Variants in PTER observed in about 807,000 individuals in gnomAD.
PTER encodes the protein phosphotriesterase related.
Under a neutral mutation model 29.6 loss-of-function variants are expected in PTER, and 38 were observed. That is an observed-to-expected ratio of 1.28 (90% confidence interval 0.99 to 1.68). The LOEUF (loss-of-function observed/expected upper bound fraction) is 1.68, where lower values mean the gene tolerates loss of function less well. PTER is among the 40% of genes most tolerant of loss of function. The probability of loss-of-function intolerance (pLI) is 0.00; values close to 1 mark genes in which losing one functional copy is unlikely to be tolerated. For missense variants in PTER, 482 were observed against 427.8 expected (o/e 1.13, Z -1.12); for synonymous variants, 172 against 154.5 (o/e 1.11, Z -0.84).
intron 1 of PTER, among the ~76,000 whole-genome samples, chr10:16,446,329 G>T (rs1382430756): frequency 6.6e-6 from 1 of 151,256 alleles, no homozygotes; most frequent in East Asian, 2.0e-4. Context: ...AGTGATTCTT[G>T]TGCCTCAGCT....
chr10:16,462,611 A>C (rs6602117), intron 1 of PTER, among the ~76,000 whole-genome samples: 90,527 of 146,786 alleles, frequency 0.62, 28,598 homozygotes, highest in East Asian at 0.81. Flanking sequence ...CGCTCTGTTG[A>C]CCAGGCTGGA....
At chr10:16,449,521 C>T (rs895404584) in intron 1 of PTER, among the ~76,000 whole-genome samples, 6 of 149,518 alleles carry the variant, frequency 4.0e-5, no homozygotes, top group South Asian at 4.3e-4. Context: ...CTGCAACCTC[C>T]GCCTCTTTGC....
intron 1 of PTER, among the ~76,000 whole-genome samples, chr10:16,438,331 A>G: frequency 1.4e-5 from 2 of 141,460 alleles, no homozygotes; most frequent in Middle Eastern, 9.8e-3. Context: ...AGGTCTCATT[A>G]TTTCACCAAA....
chr10:16,500,554 G>A (rs117861171), intron 3 of PTER, among the ~76,000 whole-genome samples: 3,198 of 152,094 alleles, frequency 0.021, 51 homozygotes, highest in Non-Finnish European at 0.032. Flanking sequence ...GCCCGGCCAG[G>A]GGTTACTTTT....
At chr10:16,462,999 C>G (rs1323720261) in intron 1 of PTER, among the ~76,000 whole-genome samples, 1 of 151,540 alleles carries the variant, frequency 6.6e-6, no homozygotes, top group African/African-American at 2.4e-5. Flanking sequence ...GGAGACCATC[C>G]TGGCTAACAT....
chr10:16,475,422 C>T (rs181338564), intron 1 of PTER, among the ~76,000 whole-genome samples: 6 of 152,274 alleles, frequency 3.9e-5, no homozygotes, highest in Non-Finnish European at 8.8e-5. Context: ...TCTTTCTCTC[C>T]ATATTGTCTC....
intron 1 of PTER, among the ~76,000 whole-genome samples, chr10:16,438,879 C>G (rs1436894909): frequency 2.8e-5 from 4 of 144,746 alleles, no homozygotes; most frequent in African/African-American, 7.8e-5. Context: ...TGAGATCACA[C>G]CACTGCACTC....
chr10:16,495,316 G>T (rs917666647), intron 3 of PTER, among the ~76,000 whole-genome samples: 1 of 151,928 alleles, frequency 6.6e-6, no homozygotes, highest in Non-Finnish European at 1.5e-5. Flanking sequence ...GATTACAAGC[G>T]TGCACTACCA....
At chr10:16,476,207 C>G (rs1408737091) in intron 1 of PTER, 2 of 152,236 alleles carry the variant, frequency 1.3e-5, no homozygotes, top group African/African-American at 4.8e-5. Flanking sequence ...CCTCAGCCTC[C>G]TGACTAGCTG....
chr10:16,442,810 T>A (rs188464160), intron 1 of PTER, among the ~76,000 whole-genome samples: 9 of 152,024 alleles, frequency 5.9e-5, no homozygotes, highest in African/African-American at 2.2e-4. Context: ...CGAAACCCCA[T>A]CTCTACTAAA....
chr10:16,509,012 C>T (rs1245526942), intron 4 of PTER, among the ~76,000 whole-genome samples: 1 of 152,208 alleles, frequency 6.6e-6, no homozygotes, highest in African/African-American at 2.4e-5. Flanking sequence ...ATCTTCTGCT[C>T]CATTTCTCAA....
At position 16,480,235 on chromosome 10, in the gene PTER, G is replaced by A. The variant is rs143633687; in HGVS notation, c.-48-4102G>A. Among the ~76,000 whole-genome samples, 827 of 148,222 alleles carry A rather than the reference G, an allele frequency of 5.6e-3. 6 individuals are homozygous for A. The highest frequency in any genetic ancestry group is 0.019 in the African/African-American group (776 of 39,908). On this transcript the variant is annotated intron_variant, in intron 1 of 4. Coordinates refer to ENST00000535784, the MANE Select transcript of PTER (RefSeq NM_001261836.2). ...GATAGAGTCTCGCTCTGTTGTCCAG[G>A]CTAGAGTGCAGTGGCGCAATCTTGA...
At chr10:16,518,478 A>G (rs141540968), downstream of PTER, among the ~76,000 whole-genome samples, 299 of 152,358 alleles carry the variant, frequency 2.0e-3, 2 homozygotes, top group Non-Finnish European at 3.0e-3. Context: ...TGTGTGTGCT[A>G]GTGTGATACA....
chr10:16,455,249 T>C (rs781741721), intron 1 of PTER, among the ~76,000 whole-genome samples: 9 of 151,028 alleles, frequency 6.0e-5, no homozygotes, highest in Non-Finnish European at 1.2e-4. Context: ...AAAAAAAAAA[T>C]GAATAAGCAG....
intron 3 of PTER, among the ~76,000 whole-genome samples, chr10:16,493,351 C>G (rs554510978): frequency 6.6e-6 from 1 of 152,100 alleles, no homozygotes; most frequent in Admixed American, 6.5e-5. Context: ...AATTGGAATG[C>G]TATGTGCATG....
Position 16,480,591 on chromosome 10 carries a change from T to A in PTER, c.-48-3746T>A, listed in dbSNP as rs532595759. Among the ~76,000 whole-genome samples the A allele has an allele frequency of 1.1e-4, 17 of 152,238 alleles. No homozygotes were observed. The East Asian group carries it at 2.9e-3, about 26-fold the overall frequency. On this transcript the variant is annotated intron_variant, in intron 1 of 4. Coordinates refer to ENST00000535784, the MANE Select transcript of PTER (RefSeq NM_001261836.2). ...GTCCGGGGTGGGAGAAGAGCCTATG[T>A]TTATGAAATAAGGACAGTGTATTTC...
chr10:16,475,600 C>A (rs1482520237), intron 1 of PTER, among the ~76,000 whole-genome samples: 1 of 152,154 alleles, frequency 6.6e-6, no homozygotes, highest in Non-Finnish European at 1.5e-5. Flanking sequence ...AGCTCTGGTA[C>A]AGGGTAGAAG....
Position 16,503,871 on chromosome 10 carries a change from A to C in PTER, c.699-1149A>C, listed in dbSNP as rs138297477. On this transcript the variant is annotated intron_variant, in intron 3 of 4. Coordinates refer to ENST00000535784, the MANE Select transcript of PTER (RefSeq NM_001261836.2). ...TAATCCTCACATCGTGGAGTTGCCA[A>C]AGTAATAGAAATATCAGCATGGATA... 2.0e-3 allele frequency among the ~76,000 whole-genome samples: 300 copies of C among 152,304 alleles called. 3 individuals carry two copies. The highest frequency in any genetic ancestry group is 6.3e-3 in the African/African-American group (260 of 41,568).
At chr10:16,462,008 G>A (rs1301098877) in intron 1 of PTER, among the ~76,000 whole-genome samples, 2 of 145,192 alleles carry the variant, frequency 1.4e-5, no homozygotes, top group Non-Finnish European at 3.0e-5. Flanking sequence ...TTTTTGAGAC[G>A]AAGTCTTGCT....
Sources: allele counts gnomAD v4.1 joint callset (sites outside exome capture counted in the v4.1 genomes callset), GRCh38; gene constraint gnomAD v4.1.1; transcripts MANE v1.5; gene names NCBI Gene and HGNC (gene_info 2026-07-23, HGNC 2026-07-21).